The following STAG1 variants were observed in gnomAD, a reference collection of about 807,000 sequenced individuals.
STAG1 encodes STAG1 cohesin complex component.
A neutral mutation model predicts 170.9 loss-of-function variants in STAG1; 26 were observed. The ratio of observed to expected loss-of-function variants is 0.15; its 90% CI spans 0.11 to 0.21. STAG1 has a LOEUF of 0.21. Among genes scored for constraint, STAG1 ranks in the 10% least tolerant of loss-of-function variants. The pLI is 1.00. For synonymous variants in STAG1, 514 were observed against 497.7 expected (o/e 1.03, Z -0.44); for missense variants, 964 against 1,509.5 (o/e 0.64, Z 5.99).
chr3:136,583,888 C>T (rs915525400), intron 4 of STAG1, among the ~76,000 whole-genome samples: 2 of 152,192 alleles, frequency 1.3e-5, no homozygotes, highest in African/African-American at 2.4e-5. Context: ...TGTTTAGTGA[C>T]TTGCCCAAGA....
intron 22 of STAG1, among the ~76,000 whole-genome samples, chr3:136,384,033 T>C (rs946179638): frequency 3.3e-5 from 5 of 150,882 alleles, no homozygotes; most frequent in African/African-American, 7.3e-5. Context: ...AGCCATTAAG[T>C]AGCAAAGTGA....
At chr3:136,509,191 T>C (rs187090492) in intron 7 of STAG1, among the ~76,000 whole-genome samples, 76 of 152,288 alleles carry the variant, frequency 5.0e-4, no homozygotes, top group Non-Finnish European at 3.2e-4. Context: ...TGCAGCTAGA[T>C]AGGTAGGTAG....
chr3:136,701,379 C>T (rs1368840772), intron 1 of STAG1, among the ~76,000 whole-genome samples: 1 of 152,086 alleles, frequency 6.6e-6, no homozygotes, highest in Non-Finnish European at 1.5e-5. Flanking sequence ...CAAACTGACA[C>T]ACCACCACCA....
chr3:136,457,963 A>G (rs978086235), intron 13 of STAG1, among the ~76,000 whole-genome samples: 1 of 152,192 alleles, frequency 6.6e-6, no homozygotes, highest in Non-Finnish European at 1.5e-5. Flanking sequence ...ACAAACAAAA[A>G]AACCCCAAAA....
At chr3:136,364,194 C>CA (rs529687355) in intron 25 of STAG1, among the ~76,000 whole-genome samples, 3 of 152,050 alleles carry the variant, frequency 2.0e-5, no homozygotes, top group Non-Finnish European at 4.4e-5. Context: ...GCAATTCTCC[C>CA]ACCTCAGCCT....
chr3:136,351,603 A>G (rs1324915048), intron 28 of STAG1, among the ~76,000 whole-genome samples: 1 of 152,030 alleles, frequency 6.6e-6, no homozygotes, highest in Non-Finnish European at 1.5e-5. Context: ...TTTAAATACA[A>G]CCTCTCACCA....
At chr3:136,604,614 A>G in intron 3 of STAG1, 141 bp from the exon 4 acceptor site, 2 of 721,446 alleles carry the variant, frequency 2.8e-6, no homozygotes, top group Non-Finnish European at 4.3e-6. Context: ...AAGTGCAAAG[A>G]GCAAAACATA....
At chr3:136,668,591 G>A (rs1435889649) in intron 1 of STAG1, among the ~76,000 whole-genome samples, 1 of 151,928 alleles carries the variant, frequency 6.6e-6, no homozygotes. Context: ...AATGCAGGCT[G>A]CCAACTGTGA....
intron 7 of STAG1, among the ~76,000 whole-genome samples, chr3:136,514,708 T>C (rs1184289234): frequency 1.3e-5 from 2 of 152,174 alleles, no homozygotes; most frequent in African/African-American, 4.8e-5. Flanking sequence ...GTGGCACATA[T>C]ACACCATGGA....
chr3:136,367,631 T>C (rs559621598), intron 24 of STAG1, among the ~76,000 whole-genome samples: 1 of 152,268 alleles, frequency 6.6e-6, no homozygotes, highest in South Asian at 2.1e-4. Context: ...AGAACACTTC[T>C]GAAAAATTTT....
In STAG1 at chr3:136,443,408, A is replaced by T. The variant is rs2088687723; in HGVS notation, c.1429-4T>A. 14 of 1,594,700 alleles carry T rather than the reference A, an allele frequency of 8.8e-6. No homozygotes were observed. The highest frequency in any genetic ancestry group is 1.1e-5 in the Non-Finnish European group (13 of 1,167,618). ...AGTAGGCTGCATGTTCATGTAACTA[A>T]AAAGAAAAAATCAAGTGTGACCAAA... On this transcript the variant is annotated splice_region_variant and splice_polypyrimidine_tract_variant and intron_variant, in intron 14 of 33. Coordinates refer to ENST00000383202, the MANE Select transcript of STAG1 (RefSeq NM_005862.3).
At chr3:136,359,037 T>C in intron 27 of STAG1, 111 bp downstream of exon 27, 1 of 932,326 alleles carries the variant, frequency 1.1e-6, no homozygotes, top group East Asian at 2.7e-5. Flanking sequence ...ATCTCCAAAG[T>C]TCTTATAACT....
chr3:136,455,188 T>C (rs913259136), intron 13 of STAG1, among the ~76,000 whole-genome samples: 4 of 152,178 alleles, frequency 2.6e-5, no homozygotes, highest in Non-Finnish European at 5.9e-5. Context: ...ATCAGCAAGA[T>C]GGTGGAACAG....
At chr3:136,495,181 A>G (rs766293038) in intron 9 of STAG1, among the ~76,000 whole-genome samples, 2 of 152,214 alleles carry the variant, frequency 1.3e-5, no homozygotes, top group Non-Finnish European at 2.9e-5. Context: ...TGGCATGGTA[A>G]TTCAATTGGG....
intron 1 of STAG1, among the ~76,000 whole-genome samples, chr3:136,731,767 CCTAT>C (rs1209736392): frequency 2.0e-5 from 3 of 152,150 alleles, no homozygotes; most frequent in African/African-American, 4.8e-5. Context: ...CACTTGCTAA[CCTAT>C]CTCTTTTTCA....
At chr3:136,528,009 C>A (rs997414072) in intron 6 of STAG1, among the ~76,000 whole-genome samples, 1 of 152,200 alleles carries the variant, frequency 6.6e-6, no homozygotes, top group African/African-American at 2.4e-5. Context: ...GGGGATGCCT[C>A]CCAGTTAGGC....
At chr3:136,510,500 G>C (rs767842437) in intron 7 of STAG1, among the ~76,000 whole-genome samples, 4 of 152,062 alleles carry the variant, frequency 2.6e-5, no homozygotes, top group Non-Finnish European at 5.9e-5. Context: ...ATGTTGGCCA[G>C]GCTGGTCTCG....
intron 1 of STAG1, among the ~76,000 whole-genome samples, chr3:136,683,583 T>C (rs1236812193): frequency 6.6e-6 from 1 of 152,138 alleles, no homozygotes; most frequent in Non-Finnish European, 1.5e-5. Context: ...ATTTTTTTTT[T>C]TAAACTACAG....
rs529723337 is a variant in STAG1, at chr3:136,595,642, A to G, written c.297+8667T>C. Among the ~76,000 whole-genome samples the G allele has an allele frequency of 9.2e-5, 14 of 151,586 alleles. No individual in the cohort carries two copies. In the East Asian group the frequency reaches 2.7e-3, roughly 29 times the overall value. On this transcript the variant is annotated intron_variant, in intron 4 of 33. Coordinates refer to ENST00000383202, the MANE Select transcript of STAG1 (RefSeq NM_005862.3). ...TAGTGAGCCGAGACCGCACCACTGC[A>G]CTCCAGCCTGGGCGACAGAGCAAGA...
Sources: allele counts gnomAD v4.1 joint callset (sites outside exome capture counted in the v4.1 genomes callset), GRCh38; gene constraint gnomAD v4.1.1; transcripts MANE v1.5; gene names NCBI Gene and HGNC (gene_info 2026-07-23, HGNC 2026-07-21).